Variants in GRIN2A observed in about 807,000 individuals in gnomAD.
The protein encoded by GRIN2A is glutamate receptor ionotropic, NMDA 2A.
In GRIN2A, 22 loss-of-function variants were observed where a neutral mutation model predicts 113.4. That is an observed-to-expected ratio of 0.19 (90% CI 0.14 to 0.28). The LOEUF (loss-of-function observed/expected upper bound fraction) is 0.28, where lower values mean the gene tolerates loss of function less well. GRIN2A is among the 10% of genes least tolerant of loss of function. The pLI is 1.00. For missense variants in GRIN2A, 1,502 were observed against 1,887.0 expected (o/e 0.80, Z 3.78); for synonymous variants, 827 against 738.4 (o/e 1.12, Z -1.94).
At chr16:9,886,418 C>T (rs936402100) in intron 4 of GRIN2A, among the ~76,000 whole-genome samples, 1 of 152,132 alleles carries the variant, frequency 6.6e-6, no homozygotes, top group Admixed American at 6.5e-5. Context: ...TGAAGGAACC[C>T]AGTATATACA....
rs558717692 is a variant in GRIN2A, at chr16:9,808,662, C to G, written c.2169-10198G>C. Among the ~76,000 whole-genome samples, 5 of 152,242 alleles carry G rather than the reference C, an allele frequency of 3.3e-5. No homozygotes were observed. In the East Asian group the frequency reaches 9.7e-4, roughly 29 times the overall value. On this transcript the variant is annotated intron_variant, in intron 10 of 12. Transcript: ENST00000330684. ...AAGGTCACACAGCTGGTATTAGAGA[C>G]AGAATATTAAAGTAGGCGTTTCTTA...
chr16:9,798,308 G>T lies in GRIN2A; in HGVS notation c.2325C>A (p.Ile775=), dbSNP rs748291723. Residue 775 remains isoleucine, a synonymous_variant, in exon 11 of 13, where the codon ATC becomes ATA. Coordinates refer to ENST00000330684, the MANE Select transcript of GRIN2A (RefSeq NM_001134407.3). ...LQKGSPWKRQ[I]DLALLQFVGD... is the part of the protein sequence containing the mutation. ...CCACAAACTGAAGCAAGGCCAGGTC[G>T]ATCTGCCTCTTCCAAGGAGAGCCTT... 2.5e-6 allele frequency: 4 copies of T among 1,613,896 alleles called. No individual in the cohort carries two copies. The African/African-American group carries it at 4.0e-5, about 16-fold the overall frequency.
chr16:10,022,161 A>C (rs1220569560), intron 2 of GRIN2A, among the ~76,000 whole-genome samples: 1 of 151,284 alleles, frequency 6.6e-6, no homozygotes, highest in Non-Finnish European at 1.5e-5. Context: ...ACAGCATCCA[A>C]CATATAGCAG....
chr16:9,849,246 TTAAGA>T lies in GRIN2A; in HGVS notation c.1328+505_1328+509del, dbSNP rs1051346110. ...ATATAATGTTTTATATTTTAATATA[TTAAGA>T]TATGTTTTATATTTATTTTAATATA... is the stretch of plus-strand genomic sequence containing the variant. On this transcript the variant is annotated intron_variant, in intron 5 of 12. Transcript: ENST00000330684. Among the ~76,000 whole-genome samples, 30 of 145,966 alleles carry T rather than the reference TTAAGA, an allele frequency of 2.1e-4. No homozygotes were observed. In the South Asian group the frequency reaches 3.0e-3, roughly 14 times the overall value.
At chr16:9,958,864 T>C (rs943594610) in intron 2 of GRIN2A, among the ~76,000 whole-genome samples, 1 of 152,200 alleles carries the variant, frequency 6.6e-6, no homozygotes, top group African/African-American at 2.4e-5. Flanking sequence ...GCTTGTTCAC[T>C]GATACATCCC....
chr16:10,025,593 T>C (rs751327011), intron 2 of GRIN2A, among the ~76,000 whole-genome samples: 21 of 152,124 alleles, frequency 1.4e-4, no homozygotes, highest in Non-Finnish European at 2.9e-4. Context: ...TGAATCACCA[T>C]GCCTGACACA....
chr16:10,102,795 C>T (rs1227480928), intron 2 of GRIN2A, among the ~76,000 whole-genome samples: 1 of 152,160 alleles, frequency 6.6e-6, no homozygotes, highest in African/African-American at 2.4e-5. Flanking sequence ...GACCACAGAG[C>T]TAGCAAGAGG....
intron 2 of GRIN2A, among the ~76,000 whole-genome samples, chr16:10,000,473 T>A (rs1208590549): frequency 1.3e-5 from 2 of 152,188 alleles, no homozygotes; most frequent in African/African-American, 4.8e-5. Context: ...TTACTTAATA[T>A]ATTGCTTTTC....
intron 2 of GRIN2A, among the ~76,000 whole-genome samples, chr16:10,169,978 T>C (rs2050006692): frequency 6.6e-6 from 1 of 151,826 alleles, no homozygotes; most frequent in Non-Finnish European, 1.5e-5. Flanking sequence ...AACAAACAAA[T>C]AAAAAGTCTG....
chr16:10,127,683 A>T (rs563648570), intron 2 of GRIN2A, among the ~76,000 whole-genome samples: 11 of 152,238 alleles, frequency 7.2e-5, no homozygotes, highest in Non-Finnish European at 1.3e-4. Context: ...CACCTAGCTC[A>T]CAATCAATAA....
At chr16:9,935,000 C>T (rs2044679536) in intron 3 of GRIN2A, among the ~76,000 whole-genome samples, 1 of 152,054 alleles carries the variant, frequency 6.6e-6, no homozygotes. Context: ...TACAAAATTA[C>T]TGTGTTTAAA....
Position 9,877,415 on chromosome 16 carries a change from C to T in GRIN2A, c.1122+13571G>A, listed in dbSNP as rs1208555708. On this transcript the variant is annotated intron_variant, in intron 4 of 12. Coordinates refer to ENST00000330684, the MANE Select transcript of GRIN2A (RefSeq NM_001134407.3). ...CACTTTGAACCTCAACATAACATAC[C>T]AATCAGATGAAGCTTTGCCATCTCC... Among the ~76,000 whole-genome samples, 3 of 152,128 alleles carry T rather than the reference C, an allele frequency of 2.0e-5. No homozygotes were observed. The South Asian group carries it at 6.2e-4, about 32-fold the overall frequency.
intron 2 of GRIN2A, among the ~76,000 whole-genome samples, chr16:10,003,498 G>A (rs920962314): frequency 6.6e-6 from 1 of 152,188 alleles, no homozygotes; most frequent in African/African-American, 2.4e-5. Context: ...CCATGGTATT[G>A]TTTGCATTAT....
chr16:10,061,492 C>G (rs1271428184), intron 2 of GRIN2A, among the ~76,000 whole-genome samples: 1 of 152,152 alleles, frequency 6.6e-6, no homozygotes, highest in Non-Finnish European at 1.5e-5. Flanking sequence ...TCCACTCATT[C>G]ACTCTGATTT....
At chr16:9,945,915 A>T in intron 2 of GRIN2A, among the ~76,000 whole-genome samples, 1 of 152,070 alleles carries the variant, frequency 6.6e-6, no homozygotes, top group East Asian at 1.9e-4. Context: ...TTTTCCTGGG[A>T]ATTTCAGACC....
chr16:10,059,224 G>A (rs548107065), intron 2 of GRIN2A, among the ~76,000 whole-genome samples: 2 of 152,344 alleles, frequency 1.3e-5, no homozygotes, highest in East Asian at 3.9e-4. Flanking sequence ...TGTGCCTTAA[G>A]TGCAGTGGGT....
intron 2 of GRIN2A, among the ~76,000 whole-genome samples, chr16:10,051,311 C>T (rs577583221): frequency 1.3e-5 from 2 of 152,250 alleles, no homozygotes; most frequent in African/African-American, 2.4e-5. Context: ...TGTAAAAGTG[C>T]ACAGACAGGA....
rs1018579436 is a variant in GRIN2A, at chr16:9,755,015, C to T, written c.*8134G>A. 1.0e-5 allele frequency: 2 copies of T among 200,764 alleles called. No individual in the cohort carries two copies. The highest frequency in any genetic ancestry group is 1.5e-4 in the East Asian group (2 of 13,026). The allele number at this position is 200,764 out of a possible 1,614,324, so 12.4% of individuals were successfully genotyped here. ...TTATGTTAATATCCTATTGAAGGTT[C>T]ATCTTAAATCTTTCCTAAAGGTGTG... On this transcript the variant is annotated 3_prime_UTR_variant, in exon 13 of 13. Coordinates refer to ENST00000330684, the MANE Select transcript of GRIN2A (RefSeq NM_001134407.3).
intron 3 of GRIN2A, among the ~76,000 whole-genome samples, chr16:9,927,929 C>A (rs1021688465): frequency 4.0e-5 from 6 of 151,866 alleles, no homozygotes; most frequent in Non-Finnish European, 7.4e-5. Context: ...TTGTGTTTGG[C>A]CAGGACTTAA....
Sources: gnomAD v4.1 joint callset for allele counts (sites outside exome capture counted in the v4.1 genomes callset) on GRCh38, gnomAD v4.1.1 for gene constraint, MANE v1.5 for transcripts, NCBI Gene and HGNC (gene_info 2026-07-23, HGNC 2026-07-21) for gene names.